The following LMBRD1 variants were observed in gnomAD, a reference collection of about 807,000 sequenced individuals.
The protein encoded by LMBRD1 is LMBR1 domain containing 1, also known as lysosomal cobalamin transport escort protein LMBD1.
LMBRD1 carries 64 observed loss-of-function variants against 74.8 expected under a neutral mutation model. That is an observed-to-expected ratio of 0.86 (90% CI 0.70 to 1.05). LMBRD1 has a LOEUF of 1.05. Among genes scored for constraint, LMBRD1 ranks in the 50% least tolerant of loss-of-function variants. LMBRD1 has a pLI of 0.00. For synonymous variants in LMBRD1, 204 were observed against 216.3 expected, an observed-to-expected ratio of 0.94 and a Z score of 0.50; for missense variants, 652 against 645.9, an observed-to-expected ratio of 1.01 and a Z score of -0.10.
At chr6:69,682,700 A>C (rs1765688995) in intron 14 of LMBRD1, among the ~76,000 whole-genome samples, 1 of 152,018 alleles carries the variant, frequency 6.6e-6, no homozygotes, top group Admixed American at 6.6e-5. Context: ...TATTACTTTA[A>C]CTTTTGATAA....
At chr6:69,689,946 C>T (rs1307339674) in intron 14 of LMBRD1, among the ~76,000 whole-genome samples, 2 of 152,046 alleles carry the variant, frequency 1.3e-5, no homozygotes, top group African/African-American at 2.4e-5. Flanking sequence ...TTCCAGGAAT[C>T]ACCCTCCCAT....
chr6:69,702,928 CATGAAACTACCT>C (rs1247643453), intron 9 of LMBRD1, among the ~76,000 whole-genome samples: 2 of 151,972 alleles, frequency 1.3e-5, no homozygotes, highest in Non-Finnish European at 2.9e-5. Context: ...AGAAGTAACA[CATGAAACTACCT>C]AGCCTGAAAA....
At chr6:69,720,237 T>C (rs995293326) in intron 7 of LMBRD1, among the ~76,000 whole-genome samples, 2 of 152,178 alleles carry the variant, frequency 1.3e-5, no homozygotes, top group African/African-American at 4.8e-5. Flanking sequence ...AATCAACTAG[T>C]TCTATCATGT....
At chr6:69,788,446 T>A (rs1766006212) in intron 2 of LMBRD1, among the ~76,000 whole-genome samples, 1 of 152,044 alleles carries the variant, frequency 6.6e-6, no homozygotes, top group African/African-American at 2.4e-5. Context: ...AAAAAGAATA[T>A]CCAGAAATTC....
chr6:69,716,678 T>C (rs1025106861), intron 8 of LMBRD1, among the ~76,000 whole-genome samples: 3 of 151,994 alleles, frequency 2.0e-5, no homozygotes, highest in Non-Finnish European at 4.4e-5. Context: ...CTTTTCATCA[T>C]TGCACATTAC....
At chr6:69,747,691 A>T (rs1765018019) in intron 5 of LMBRD1, among the ~76,000 whole-genome samples, 1 of 152,218 alleles carries the variant, frequency 6.6e-6, no homozygotes, top group Admixed American at 6.5e-5. Flanking sequence ...CCACAATGTA[A>T]ACCTAGAGGA....
At chr6:69,676,962 G>A (rs1446050791) in intron 14 of LMBRD1, among the ~76,000 whole-genome samples, 1 of 152,128 alleles carries the variant, frequency 6.6e-6, no homozygotes, top group Non-Finnish European at 1.5e-5. Context: ...ACTTGTAGGG[G>A]CAGAAAGGTC....
chr6:69,767,734 A>G (rs1765499944), intron 3 of LMBRD1, among the ~76,000 whole-genome samples: 1 of 149,860 alleles, frequency 6.7e-6, no homozygotes, highest in South Asian at 2.2e-4. Flanking sequence ...CATCTTCTCA[A>G]CCTTCACTGA....
chr6:69,718,609 C>T (rs1447044397), intron 8 of LMBRD1, among the ~76,000 whole-genome samples: 1 of 152,146 alleles, frequency 6.6e-6, no homozygotes, highest in Non-Finnish European at 1.5e-5. Flanking sequence ...CAAACACGTC[C>T]TTCTTCATGT....
chr6:69,682,450 T>C (rs184936057), intron 14 of LMBRD1, among the ~76,000 whole-genome samples: 17 of 152,112 alleles, frequency 1.1e-4, no homozygotes, highest in Non-Finnish European at 2.2e-4. Context: ...TAAATAAGTT[T>C]AAAGCATTTC....
chr6:69,765,466 T>C (rs935044527), intron 3 of LMBRD1, among the ~76,000 whole-genome samples: 3 of 152,212 alleles, frequency 2.0e-5, no homozygotes, highest in Admixed American at 2.0e-4. Context: ...TCCATTGCTC[T>C]ATATGTCTGA....
chr6:69,752,579 A>T (rs1765182505), intron 3 of LMBRD1, among the ~76,000 whole-genome samples: 1 of 152,226 alleles, frequency 6.6e-6, no homozygotes, highest in African/African-American at 2.4e-5. Context: ...AATTCAAGTT[A>T]ACTTTACAGC....
intron 14 of LMBRD1, among the ~76,000 whole-genome samples, chr6:69,695,883 G>A (rs185498009): frequency 2.1e-5 from 3 of 143,064 alleles, no homozygotes; most frequent in South Asian, 2.2e-4. Flanking sequence ...TTGCCCTGTC[G>A]CCTGGGTCAG....
rs770124447 is a variant in LMBRD1, at chr6:69,697,613, C to A, written c.1367G>T (p.Gly456Val). The stretch of plus-strand genomic sequence containing the variant: ...CTTTGGCACAGAAAGGGTTGAATTG[C>A]CTTTATGATTATCAGAAGTTATATT... Reference protein sequence around the residue: ...ETNITSDNHKGNSTLSVPKRC... With the variant: ...ETNITSDNHKVNSTLSVPKRC... Residue 456 changes from glycine (G) to valine (V), a missense_variant, in exon 14 of 16, where the codon GGC becomes GTC. By Grantham distance (109) the Gly-to-Val change is moderately radical (BLOSUM62 -3). Transcript: ENST00000649934. The A allele has an allele frequency of 6.2e-7, 1 of 1,602,450 alleles. No homozygotes were observed. Among genetic ancestry groups the A allele is most frequent in the South Asian group, 1.1e-5 (1 of 90,762 alleles).
At chr6:69,706,367 A>G (rs1766259616) in intron 9 of LMBRD1, among the ~76,000 whole-genome samples, 2 of 152,176 alleles carry the variant, frequency 1.3e-5, no homozygotes, top group South Asian at 4.1e-4. Context: ...AAAGTTGCTG[A>G]ATATAAGGTT....
intron 2 of LMBRD1, among the ~76,000 whole-genome samples, chr6:69,786,807 A>T (rs1765959941): frequency 6.6e-6 from 1 of 152,198 alleles, no homozygotes; most frequent in Non-Finnish European, 1.5e-5. Context: ...GCCTGCTCAC[A>T]GAAAAGCCTG....
intron 7 of LMBRD1, among the ~76,000 whole-genome samples, chr6:69,733,837 T>G (rs920465357): frequency 1.3e-5 from 2 of 152,190 alleles, no homozygotes; most frequent in Admixed American, 1.3e-4. Flanking sequence ...GCTTTTTGCA[T>G]TTGGTTTATT....
chr6:69,677,425 G>A (rs1048364850), intron 14 of LMBRD1, among the ~76,000 whole-genome samples: 1 of 152,120 alleles, frequency 6.6e-6, no homozygotes, highest in Non-Finnish European at 1.5e-5. Context: ...TTTATGGCTG[G>A]CTTTGGAAAA....
Position 69,749,362 on chromosome 6 carries a change from C to T in LMBRD1, c.452G>A (p.Cys151Tyr), listed in dbSNP as rs759276626. The T allele has an allele frequency of 6.2e-7, 1 of 1,607,918 alleles. No homozygotes were observed. Among genetic ancestry groups the T allele is most frequent in the Non-Finnish European group, 8.5e-7 (1 of 1,178,072 alleles). ...LKYTLGFVVICALLLLVGAFV... is the reference protein window; with the variant it reads ...LKYTLGFVVIYALLLLVGAFV... Reference sequence around the variant, plus strand: ...TTACCCAACTAAAAGAAGCAGTGCACAAATCACAACAAATCCCAAAGTATA... The same window carrying T: ...TTACCCAACTAAAAGAAGCAGTGCATAAATCACAACAAATCCCAAAGTATA... The change falls in exon 5 of 16, where the codon TGT becomes TAT. Residue 151 changes from cysteine to tyrosine, a missense_variant. By Grantham distance (194) the Cys-to-Tyr change is radical (BLOSUM62 -2). This residue lies in a region of LMBRD1 where 598 missense variants were observed against 581.8 expected (regional missense o/e 1.03). Transcript: ENST00000649934.
Sources: gnomAD v4.1 joint callset for allele counts (sites outside exome capture counted in the v4.1 genomes callset) on GRCh38, gnomAD v4.1.1 for gene constraint, gnomAD v4.1.1 regional missense constraint, MANE v1.5 for transcripts, NCBI Gene and HGNC (gene_info 2026-07-23, HGNC 2026-07-21) for gene names.